SAMD3: variants seen among roughly 807,000 people sequenced by gnomAD.
The protein encoded by SAMD3 is sterile alpha motif domain-containing protein 3.
Under a neutral mutation model 58.5 loss-of-function variants are expected in SAMD3, and 63 were observed. The observed-to-expected ratio is 1.08, with a 90% CI of 0.88 to 1.33. The LOEUF (loss-of-function observed/expected upper bound fraction) is 1.33. Among genes scored for constraint, SAMD3 ranks in the 40% most tolerant of loss-of-function variants. SAMD3 has a pLI of 0.00. For missense variants in SAMD3, 604 were observed against 608.4 expected, an observed-to-expected ratio of 0.99 and a Z score of 0.08; for synonymous variants, 220 against 210.3, an observed-to-expected ratio of 1.05 and a Z score of -0.40.
chr6:130,215,685 A>G (rs1795964367), intron 2 of SAMD3: 1 of 1,439,114 alleles, frequency 6.9e-7, no homozygotes, highest in African/African-American at 1.4e-5. Context: ...CTCCTCAGGA[A>G]GTGGTTGACA....
intron 1 of SAMD3, among the ~76,000 whole-genome samples, chr6:130,320,591 T>G (rs1267330929): frequency 6.6e-6 from 1 of 152,196 alleles, no homozygotes; most frequent in African/African-American, 2.4e-5. Context: ...TTATAGCAAC[T>G]TTGTTTGTAA....
chr6:130,265,485 C>T (rs1774311553), intron 2 of SAMD3, among the ~76,000 whole-genome samples: 1 of 152,170 alleles, frequency 6.6e-6, no homozygotes, highest in Non-Finnish European at 1.5e-5. Flanking sequence ...AACTGACCTT[C>T]CTCAGACTGA....
At chr6:130,161,994 A>G (rs1300716490) in intron 8 of SAMD3, 1 of 348,930 alleles carries the variant, frequency 2.9e-6, no homozygotes, top group African/African-American at 2.1e-5. Context: ...ATGAAGCACG[A>G]AAGAGATCAC....
chr6:130,222,108 G>A (rs1359862178), intron 1 of SAMD3, among the ~76,000 whole-genome samples: 2 of 152,102 alleles, frequency 1.3e-5, no homozygotes, highest in African/African-American at 4.8e-5. Flanking sequence ...CTCGCCTAAG[G>A]TTCCTTTGCT....
intron 2 of SAMD3, among the ~76,000 whole-genome samples, chr6:130,283,248 T>G (rs1775046224): frequency 6.6e-6 from 1 of 152,160 alleles, no homozygotes; most frequent in South Asian, 2.1e-4. Context: ...TAGGAGAAAT[T>G]AACAGATATG....
chr6:130,185,862 C>T (rs1437993658), intron 5 of SAMD3, among the ~76,000 whole-genome samples: 1 of 152,030 alleles, frequency 6.6e-6, no homozygotes, highest in Non-Finnish European at 1.5e-5. Context: ...GAACTCTAGG[C>T]TCAAGTGATC....
chr6:130,208,530 G>T (rs1026434557), intron 5 of SAMD3, among the ~76,000 whole-genome samples: 32 of 152,154 alleles, frequency 2.1e-4, no homozygotes, highest in Non-Finnish European at 2.9e-5. Flanking sequence ...TGAGAGATCA[G>T]TGGCAGCATT....
At chr6:130,361,543 A>T (rs1446337584) in intron 1 of SAMD3, among the ~76,000 whole-genome samples, 1 of 152,226 alleles carries the variant, frequency 6.6e-6, no homozygotes, top group Non-Finnish European at 1.5e-5. Context: ...ACATTTTAGA[A>T]TTCAAGATGC....
At chr6:130,353,458 A>C in intron 1 of SAMD3, among the ~76,000 whole-genome samples, 1 of 152,176 alleles carries the variant, frequency 6.6e-6, no homozygotes, top group East Asian at 1.9e-4. Context: ...GTTTCCAAAA[A>C]TAAAATTCTA....
At chr6:130,237,004 AC>A (rs1419913383) in intron 2 of SAMD3, among the ~76,000 whole-genome samples, 1 of 152,198 alleles carries the variant, frequency 6.6e-6, no homozygotes, top group African/African-American at 2.4e-5. Context: ...ATAATATAAA[AC>A]CAACTCAAAC....
At chr6:130,317,863 C>T (rs1201288482) in intron 1 of SAMD3, among the ~76,000 whole-genome samples, 1 of 152,138 alleles carries the variant, frequency 6.6e-6, no homozygotes, top group African/African-American at 2.4e-5. Flanking sequence ...AGGCTGCAGG[C>T]CTATATTCTC....
At chr6:130,278,118 C>T (rs1370103207) in intron 2 of SAMD3, among the ~76,000 whole-genome samples, 1 of 152,176 alleles carries the variant, frequency 6.6e-6, no homozygotes, top group Non-Finnish European at 1.5e-5. Flanking sequence ...TTTGCAGACC[C>T]TGCACTTTAT....
chr6:130,206,883 C>G (rs1020352537), intron 5 of SAMD3, among the ~76,000 whole-genome samples: 2 of 152,120 alleles, frequency 1.3e-5, no homozygotes, highest in African/African-American at 2.4e-5. Flanking sequence ...GGAATAATAA[C>G]CCTGCCTAGC....
At chr6:130,328,163 T>A (rs1203519633) in intron 1 of SAMD3, among the ~76,000 whole-genome samples, 2 of 152,184 alleles carry the variant, frequency 1.3e-5, no homozygotes, top group Non-Finnish European at 2.9e-5. Context: ...ATGGGATAAT[T>A]GGCTGATACC....
chr6:130,180,885 A>G (rs1039404721), intron 7 of SAMD3, among the ~76,000 whole-genome samples: 12 of 152,096 alleles, frequency 7.9e-5, no homozygotes, highest in African/African-American at 2.9e-4. Context: ...TATGCATATC[A>G]ATGTAGCATT....
intron 2 of SAMD3, among the ~76,000 whole-genome samples, chr6:130,278,077 T>C (rs1203888907): frequency 6.6e-6 from 1 of 152,222 alleles, no homozygotes; most frequent in Non-Finnish European, 1.5e-5. Flanking sequence ...AACATCACTA[T>C]TGTATAACCT....
intron 2 of SAMD3, among the ~76,000 whole-genome samples, chr6:130,269,837 G>T (rs1774497206): frequency 6.6e-6 from 1 of 151,712 alleles, no homozygotes; most frequent in South Asian, 2.1e-4. Context: ...CTCAGTCTAA[G>T]AACTTAGTGG....
At chr6:130,249,887 C>A (rs1773682517) in intron 2 of SAMD3, among the ~76,000 whole-genome samples, 1 of 151,986 alleles carries the variant, frequency 6.6e-6, no homozygotes. Context: ...ATTTAGAGTT[C>A]CAAAATAGTC....
chr6:130,194,271 A>T (rs539587475), intron 5 of SAMD3, among the ~76,000 whole-genome samples: 1 of 152,342 alleles, frequency 6.6e-6, no homozygotes, highest in East Asian at 1.9e-4. Flanking sequence ...CAAATATAAA[A>T]ATCCCAGCCC....
Sources: allele counts gnomAD v4.1 joint callset (sites outside exome capture counted in the v4.1 genomes callset), GRCh38; gene constraint gnomAD v4.1.1; transcripts MANE v1.5; gene names NCBI Gene and HGNC (gene_info 2026-07-23, HGNC 2026-07-21).